COL21A1: variants seen among roughly 807,000 people sequenced by gnomAD.
The protein encoded by COL21A1 is collagen alpha-1(XXI) chain.
COL21A1 carries 149 observed loss-of-function variants against 137.9 expected under a neutral mutation model. The ratio of observed to expected loss-of-function variants is 1.08; its 90% CI spans 0.95 to 1.24. The LOEUF is 1.24. COL21A1 is among the 50% of genes most tolerant of loss of function. The pLI is 0.00. For missense variants in COL21A1, 1,167 were observed against 1,158.4 expected, an observed-to-expected ratio of 1.01 and a Z score of -0.11; for synonymous variants, 456 against 391.5, an observed-to-expected ratio of 1.16 and a Z score of -1.95.
intron 1 of COL21A1, among the ~76,000 whole-genome samples, chr6:56,236,426 G>A (rs1187686804): frequency 1.3e-5 from 2 of 152,158 alleles, no homozygotes; most frequent in Non-Finnish European, 2.9e-5. Context: ...GTATGCTATA[G>A]GGAGGGGTTA....
intron 18 of COL21A1, among the ~76,000 whole-genome samples, chr6:56,075,912 A>T (rs560424256): frequency 6.6e-6 from 1 of 151,644 alleles, no homozygotes; most frequent in African/African-American, 2.4e-5. Flanking sequence ...AAATAACAGC[A>T]TTAGACTTCA....
chr6:56,064,690 A>T, intron 23 of COL21A1, 68 bp from the exon 24 acceptor site: 2 of 977,174 alleles, frequency 2.0e-6, no homozygotes, highest in Non-Finnish European at 3.0e-6. Flanking sequence ...ATGCAATACA[A>T]ACTATGTATT....
chr6:56,058,065 C>A (rs1765479727), intron 29 of COL21A1, among the ~76,000 whole-genome samples: 4 of 151,660 alleles, frequency 2.6e-5, no homozygotes, highest in Admixed American at 2.6e-4. Flanking sequence ...GAAAACTAGG[C>A]TAAGCATATT....
At chr6:56,111,581 T>C (rs896507329) in intron 16 of COL21A1, among the ~76,000 whole-genome samples, 4 of 152,118 alleles carry the variant, frequency 2.6e-5, no homozygotes, top group Non-Finnish European at 5.9e-5. Flanking sequence ...CTAAAAACTT[T>C]GGCCAGGCAT....
Position 56,074,326 on chromosome 6 carries a change from G to T in COL21A1, c.1912-41C>A, listed in dbSNP as rs373459533. The T allele has an allele frequency of 5.4e-5, 73 of 1,343,532 alleles. No individual in the cohort carries two copies. In the African/African-American group the frequency reaches 9.0e-4, roughly 17 times the overall value. The allele number at this position is 1,343,532 out of a possible 1,614,324, so 83.2% of individuals were successfully genotyped here. A position where few individuals can be genotyped will look rare whatever the true frequency, so the allele number is the denominator to read the frequency against. ...GGAATTTCAAGAGTAACTTAGAGAA[G>T]ATTATTAAAAAATATTAAATCAATT... is the stretch of plus-strand genomic sequence containing the variant. On this transcript the variant is annotated intron_variant, in intron 19 of 29. Transcript: ENST00000244728.
At chr6:56,117,465 T>C (rs568116982) in intron 16 of COL21A1, among the ~76,000 whole-genome samples, 1 of 152,134 alleles carries the variant, frequency 6.6e-6, no homozygotes, top group South Asian at 2.1e-4. Flanking sequence ...AAGAGAGTGA[T>C]AGACCCCAAT....
At chr6:56,377,618 T>TG (rs931356921) in intron 1 of COL21A1, among the ~76,000 whole-genome samples, 7 of 152,022 alleles carry the variant, frequency 4.6e-5, no homozygotes, top group Non-Finnish European at 1.0e-4. Context: ...TAAAGCACTC[T>TG]GGGGGTCTAA....
chr6:56,349,733 T>C (rs1055385620), intron 1 of COL21A1, among the ~76,000 whole-genome samples: 1 of 152,248 alleles, frequency 6.6e-6, no homozygotes, highest in Admixed American at 6.5e-5. Flanking sequence ...TTATTGCTTA[T>C]ACTTGTATTT....
At chr6:56,248,111 A>C (rs763362241), upstream of COL21A1, among the ~76,000 whole-genome samples, 1 of 152,270 alleles carries the variant, frequency 6.6e-6, no homozygotes, top group Non-Finnish European at 1.5e-5. Flanking sequence ...ATAAGGTGAC[A>C]GCCTTATGAC....
chr6:56,316,477 C>CTTTTTTTTTTTT lies in COL21A1; in HGVS notation c.-39+77482_-39+77493dup, dbSNP rs60388494. 1.1e-3 allele frequency among the ~76,000 whole-genome samples: 83 copies of CTTTTTTTTTTTT among 75,788 alleles called. 14 individuals carry two copies. The highest frequency in any genetic ancestry group is 1.4e-3 in the Non-Finnish European group (61 of 43,394). 49.7% of individuals were successfully genotyped at this position (75,788 alleles called of 152,430 possible). ...CACACCTTTTAAAATTCTAAATAGA[C>CTTTTTTTTTTTT]TTTTTTTTTTTTTTTTTTTTTTGAG... On this transcript the variant is annotated intron_variant, in intron 1 of 28. Transcript: ENST00000370819.
intron 12 of COL21A1, among the ~76,000 whole-genome samples, chr6:56,135,629 A>G (rs149457484): frequency 1.6e-4 from 25 of 152,290 alleles, no homozygotes; most frequent in East Asian, 1.2e-3. Context: ...CTCATGAAAA[A>G]CTACTGAGAA....
chr6:56,093,725 C>A (rs938467847), intron 17 of COL21A1, among the ~76,000 whole-genome samples: 4 of 152,150 alleles, frequency 2.6e-5, no homozygotes, highest in Non-Finnish European at 4.4e-5. Flanking sequence ...GTCCAACAGC[C>A]TTCCCTCACT....
chr6:56,259,564 A>G (rs1298376326), intron 1 of COL21A1, among the ~76,000 whole-genome samples: 1 of 152,366 alleles, frequency 6.6e-6, no homozygotes, highest in Middle Eastern at 3.4e-3. Flanking sequence ...GCAAAAACAT[A>G]TGTATCCAAC....
rs539760844 is a variant in COL21A1, at chr6:56,151,725, C to T, written c.1434+5162G>A. Among the ~76,000 whole-genome samples the T allele has an allele frequency of 9.8e-5, 15 of 152,318 alleles. No homozygotes were observed. In the South Asian group the frequency reaches 2.9e-3, roughly 29 times the overall value. ...ACAAGTCCAAACAAAGCAGAATTCC[C>T]TTCAAATTGTTCCTTCCAAGTTTCC... On this transcript the variant is annotated intron_variant, in intron 10 of 29. Coordinates refer to ENST00000244728, the MANE Select transcript of COL21A1 (RefSeq NM_030820.4).
intron 17 of COL21A1, among the ~76,000 whole-genome samples, chr6:56,096,310 G>C (rs780848036): frequency 6.6e-6 from 1 of 152,102 alleles, no homozygotes; most frequent in Non-Finnish European, 1.5e-5. Flanking sequence ...TGATGGCCAG[G>C]CCATGATTAA....
chr6:56,325,123 A>T (rs1425310605), intron 1 of COL21A1, among the ~76,000 whole-genome samples: 1 of 148,682 alleles, frequency 6.7e-6, no homozygotes, highest in Non-Finnish European at 1.5e-5. Context: ...CAGGGTCTTT[A>T]TTCTACATGA....
intron 1 of COL21A1, among the ~76,000 whole-genome samples, chr6:56,371,075 C>T (rs2093987800): frequency 6.6e-6 from 1 of 152,292 alleles, no homozygotes; most frequent in South Asian, 2.1e-4. Flanking sequence ...TTCTGCTCAC[C>T]AGTTACTCAT....
At chr6:56,057,968 T>G (rs1375069704) in intron 29 of COL21A1, 124 bp from the exon 30 acceptor site, 2 of 622,236 alleles carry the variant, frequency 3.2e-6, no homozygotes, top group Non-Finnish European at 5.1e-6. Flanking sequence ...TTGCACTAAT[T>G]ATATAGTAGA....
intron 20 of COL21A1, among the ~76,000 whole-genome samples, chr6:56,072,959 G>A (rs1232878933): frequency 6.6e-6 from 1 of 151,376 alleles, no homozygotes; most frequent in East Asian, 1.9e-4. Context: ...TGTGATACTG[G>A]AAATCCTCAC....
Sources: allele counts gnomAD v4.1 joint callset (sites outside exome capture counted in the v4.1 genomes callset), GRCh38; gene constraint gnomAD v4.1.1; transcripts MANE v1.5; gene names NCBI Gene and HGNC (gene_info 2026-07-23, HGNC 2026-07-21).